The following TIAM1 variants were observed in gnomAD, a reference collection of about 807,000 sequenced individuals.
The protein encoded by TIAM1 is TIAM Rac1 associated GEF 1, also known as rho guanine nucleotide exchange factor TIAM1.
A neutral mutation model predicts 163.5 loss-of-function variants in TIAM1; 65 were observed. That is an observed-to-expected ratio of 0.40 (90% confidence interval 0.33 to 0.49). TIAM1 has a LOEUF of 0.49. TIAM1 is among the 20% of genes least tolerant of loss of function. The probability of loss-of-function intolerance (pLI) is 0.77; values close to 1 mark genes in which losing one functional copy is unlikely to be tolerated. For synonymous variants in TIAM1, 833 were observed against 810.1 expected, an observed-to-expected ratio of 1.03 and a Z score of -0.48; for missense variants, 1,789 against 2,044.7, an observed-to-expected ratio of 0.87 and a Z score of 2.41.
At chr21:31,549,324 T>C (rs1247041499) in intron 1 of TIAM1, among the ~76,000 whole-genome samples, 2 of 152,242 alleles carry the variant, frequency 1.3e-5, no homozygotes, top group African/African-American at 2.4e-5. Flanking sequence ...ACATTTTTTA[T>C]TGACTTTCAG....
chr21:31,149,087 C>T (rs544365033), intron 19 of TIAM1, among the ~76,000 whole-genome samples: 88 of 152,192 alleles, frequency 5.8e-4, no homozygotes, highest in Non-Finnish European at 1.2e-3. Flanking sequence ...ATCCTGCAGG[C>T]AGGCACACTA....
In TIAM1 at chr21:31,195,221, T is replaced by C; in HGVS notation, c.2575+3A>G. 6.2e-7 allele frequency: 1 copy of C among 1,606,328 alleles called. No homozygotes were observed. The highest frequency in any genetic ancestry group is 8.5e-7 in the Non-Finnish European group (1 of 1,174,130). On this transcript the variant is annotated splice_donor_region_variant and intron_variant, in intron 13 of 27. Transcript: ENST00000541036. Reference sequence around the variant, plus strand: ...AAACACAAACAAAGAAAAATAAACTTACCGTAAGTATCAGCAGCTGTATCT... The same window carrying C: ...AAACACAAACAAAGAAAAATAAACTCACCGTAAGTATCAGCAGCTGTATCT...
At chr21:31,164,412 G>A (rs918072726) in intron 16 of TIAM1, among the ~76,000 whole-genome samples, 47 of 151,336 alleles carry the variant, frequency 3.1e-4, no homozygotes, top group African/African-American at 8.7e-4. Flanking sequence ...AAAAAATTAT[G>A]GGCAACAATT....
chr21:31,306,685 A>C (rs1225696017), intron 2 of TIAM1, among the ~76,000 whole-genome samples: 1 of 152,188 alleles, frequency 6.6e-6, no homozygotes, highest in Non-Finnish European at 1.5e-5. Flanking sequence ...AACCAAACTG[A>C]GGGGCATTCT....
intron 1 of TIAM1, among the ~76,000 whole-genome samples, chr21:31,474,623 G>A (rs1203675038): frequency 1.1e-4 from 16 of 148,978 alleles, no homozygotes; most frequent in Non-Finnish European, 1.8e-4. Flanking sequence ...TCGGCTCACC[G>A]CAACCTCCGC....
chr21:31,515,673 G>A (rs2047357065), intron 1 of TIAM1, among the ~76,000 whole-genome samples: 1 of 152,156 alleles, frequency 6.6e-6, no homozygotes. Flanking sequence ...CAGACATGCA[G>A]CGCCAGCAAC....
chr21:31,153,282 T>C lies in TIAM1; in HGVS notation c.3172-148A>G, dbSNP rs551940282. The stretch of plus-strand genomic sequence containing the variant: ...TCCCGAAGGCTAACGTTAGAGACTT[T>C]AGGTCGTTAAGGTCCATTTCATGCA... On this transcript the variant is annotated intron_variant, in intron 17 of 27. Transcript: ENST00000541036. 1.8e-5 allele frequency: 11 copies of C among 623,722 alleles called. No individual in the cohort carries two copies. The South Asian group carries it at 4.0e-4, about 23-fold the overall frequency. The allele number at this position is 623,722 out of a possible 1,614,324, so 38.6% of individuals were successfully genotyped here.
chr21:31,435,316 C>T (rs568838661), intron 2 of TIAM1, among the ~76,000 whole-genome samples: 9 of 152,286 alleles, frequency 5.9e-5, no homozygotes, highest in Admixed American at 4.6e-4. Context: ...CCAGGAATTA[C>T]TCTAAAGATA....
chr21:31,242,392 G>A (rs2083698526), intron 6 of TIAM1, among the ~76,000 whole-genome samples: 1 of 152,012 alleles, frequency 6.6e-6, no homozygotes, highest in African/African-American at 2.4e-5. Context: ...CTGTGGTGGT[G>A]CACACCTGTA....
chr21:31,182,754 G>T (rs1457474438), intron 14 of TIAM1, 109 bp from the exon 15 acceptor site: 1 of 1,137,236 alleles, frequency 8.8e-7, no homozygotes, highest in East Asian at 2.6e-5. Flanking sequence ...ACAGCCCCAG[G>T]TGCTGCTGCA....
At chr21:31,381,008 G>A (rs2076770029) in intron 2 of TIAM1, among the ~76,000 whole-genome samples, 1 of 152,162 alleles carries the variant, frequency 6.6e-6, no homozygotes. Flanking sequence ...CTGACACAGT[G>A]CAGCACTCAA....
rs563750870 is a variant in TIAM1, at chr21:31,232,905, T to C, written c.1585-6955A>G. Among the ~76,000 whole-genome samples, 5 of 151,918 alleles carry C rather than the reference T, an allele frequency of 3.3e-5. 1 individual carries two copies. Among genetic ancestry groups the C allele is most frequent in the African/African-American group, 1.2e-4 (5 of 41,240 alleles). On this transcript the variant is annotated intron_variant, in intron 6 of 27. Coordinates refer to ENST00000541036, the MANE Select transcript of TIAM1 (RefSeq NM_001353694.2). ...CTTCCTTTGCCTTCTGGAGATGCTATAAATACTGTATACAGTTCGGTGAAG... is the reference window on the plus strand; with the variant it reads ...CTTCCTTTGCCTTCTGGAGATGCTACAAATACTGTATACAGTTCGGTGAAG...
intron 1 of TIAM1, among the ~76,000 whole-genome samples, chr21:31,489,370 G>A (rs1300832312): frequency 9.7e-6 from 1 of 102,804 alleles, no homozygotes; most frequent in Non-Finnish European, 2.0e-5. Flanking sequence ...TTGGGGGGGA[G>A]AGGAGGAGGA....
intron 2 of TIAM1, among the ~76,000 whole-genome samples, chr21:31,451,462 A>G (rs1464195066): frequency 6.6e-6 from 1 of 152,214 alleles, no homozygotes; most frequent in Non-Finnish European, 1.5e-5. Context: ...GAGTAATCCA[A>G]TTTCAATGAC....
intron 2 of TIAM1, among the ~76,000 whole-genome samples, chr21:31,336,996 C>T (rs1337530525): frequency 1.3e-5 from 2 of 152,154 alleles, no homozygotes; most frequent in Non-Finnish European, 2.9e-5. Context: ...AAAGAGAATC[C>T]AAGCAACCCA....
chr21:31,171,035 C>CAAAAAAAAAAAAAAAAA lies in TIAM1; in HGVS notation c.2888-5987_2888-5971dup, dbSNP rs34291568. 2.0e-4 allele frequency among the ~76,000 whole-genome samples: 4 copies of CAAAAAAAAAAAAAAAAA among 19,574 alleles called. 1 individual carries two copies. Among genetic ancestry groups the CAAAAAAAAAAAAAAAAA allele is most frequent in the African/African-American group, 4.0e-4 (4 of 10,040 alleles). 12.8% of individuals were successfully genotyped at this position (19,574 alleles called of 152,430 possible). On this transcript the variant is annotated intron_variant, in intron 15 of 27. Coordinates refer to ENST00000541036, the MANE Select transcript of TIAM1 (RefSeq NM_001353694.2). Reference sequence around the variant, plus strand: ...TGGGTGACAGAGTGAGACTCCATCTCAAAAAAAAAAAAAAAAAAAAAAAAA... The same window carrying CAAAAAAAAAAAAAAAAA: ...TGGGTGACAGAGTGAGACTCCATCTCAAAAAAAAAAAAAAAAAAAAAAAAAAAAAAAAAAAAAAAAAA...
chr21:31,310,089 T>A (rs1030573392), intron 2 of TIAM1, among the ~76,000 whole-genome samples: 2 of 152,238 alleles, frequency 1.3e-5, no homozygotes, highest in Non-Finnish European at 2.9e-5. Flanking sequence ...AATTCCTTTT[T>A]CACCTGGGAA....
intron 13 of TIAM1, among the ~76,000 whole-genome samples, chr21:31,191,694 G>T (rs2085569442): frequency 6.6e-6 from 1 of 152,206 alleles, no homozygotes; most frequent in African/African-American, 2.4e-5. Flanking sequence ...AGCACTGTTT[G>T]TAACACTCTC....
At chr21:31,509,440 A>G (rs1034058502) in intron 1 of TIAM1, among the ~76,000 whole-genome samples, 2 of 152,198 alleles carry the variant, frequency 1.3e-5, no homozygotes, top group Admixed American at 6.5e-5. Context: ...TGCCTGGCAC[A>G]GGCGCCACTT....
Sources: allele counts gnomAD v4.1 joint callset (sites outside exome capture counted in the v4.1 genomes callset), GRCh38; gene constraint gnomAD v4.1.1; transcripts MANE v1.5; gene names NCBI Gene and HGNC (gene_info 2026-07-23, HGNC 2026-07-21).